The following TNIK variants were observed in gnomAD, a reference collection of about 807,000 sequenced individuals.
TNIK encodes TRAF2 and NCK interacting kinase, also known as TRAF2 and NCK-interacting protein kinase.
Under a neutral mutation model 191.3 loss-of-function variants are expected in TNIK, and 49 were observed. The observed-to-expected ratio is 0.26, with a 90% CI of 0.20 to 0.32. The LOEUF (loss-of-function observed/expected upper bound fraction) is 0.32. Among genes scored for constraint, TNIK ranks in the 10% least tolerant of loss-of-function variants. The pLI is 1.00. For synonymous variants in TNIK, 594 were observed against 600.9 expected, an observed-to-expected ratio of 0.99 and a Z score of 0.17; for missense variants, 1,155 against 1,702.3, an observed-to-expected ratio of 0.68 and a Z score of 5.66.
At chr3:171,221,345 T>C (rs1181859604) in intron 3 of TNIK, among the ~76,000 whole-genome samples, 3 of 152,122 alleles carry the variant, frequency 2.0e-5, no homozygotes, top group East Asian at 1.9e-4. Flanking sequence ...TGACATCACC[T>C]GAAGGTCAAG....
chr3:171,175,203 C>A (rs373569813), intron 9 of TNIK, 49 bp downstream of exon 9: 16 of 1,560,968 alleles, frequency 1.0e-5, no homozygotes, highest in Non-Finnish European at 1.3e-5. Flanking sequence ...AATAGAATCA[C>A]AAGAAAACCT....
intron 2 of TNIK, among the ~76,000 whole-genome samples, chr3:171,325,894 G>A (rs1421194226): frequency 6.6e-6 from 1 of 152,144 alleles, no homozygotes; most frequent in Non-Finnish European, 1.5e-5. Flanking sequence ...TGACATCAGG[G>A]ACTTTTGTCA....
At chr3:171,142,215 C>T (rs1352148521) in intron 12 of TNIK, among the ~76,000 whole-genome samples, 1 of 152,216 alleles carries the variant, frequency 6.6e-6, no homozygotes, top group Non-Finnish European at 1.5e-5. Context: ...AGCCAAATGA[C>T]TTGATCAGAC....
At chr3:171,112,922 C>A (rs1343542817) in intron 18 of TNIK, among the ~76,000 whole-genome samples, 3 of 152,118 alleles carry the variant, frequency 2.0e-5, no homozygotes. Context: ...AATAGCCAAT[C>A]ACATTTCTAT....
chr3:171,299,573 A>T (rs1334858152), intron 2 of TNIK, among the ~76,000 whole-genome samples: 1 of 152,184 alleles, frequency 6.6e-6, no homozygotes, highest in Non-Finnish European at 1.5e-5. Context: ...CTCAGCTTAG[A>T]TGGTTTTCTG....
chr3:171,378,285 C>T (rs1465682513), intron 1 of TNIK, among the ~76,000 whole-genome samples: 2 of 152,200 alleles, frequency 1.3e-5, no homozygotes. Flanking sequence ...GTGAAAACCA[C>T]AGACTCTACA....
At chr3:171,417,800 G>T (rs924112817) in intron 1 of TNIK, among the ~76,000 whole-genome samples, 2 of 152,124 alleles carry the variant, frequency 1.3e-5, no homozygotes, top group African/African-American at 4.8e-5. Flanking sequence ...TAATCAAAGG[G>T]CTTTGAAAGA....
Position 171,178,716 on chromosome 3 carries a change from G to C in TNIK, c.640-1336C>G, listed in dbSNP as rs905574242. 2.6e-5 allele frequency among the ~76,000 whole-genome samples: 4 copies of C among 152,042 alleles called. No individual in the cohort carries two copies. The East Asian group carries it at 5.8e-4, about 22-fold the overall frequency. ...GGTAAGAAAATCTAGTATCAAATTT[G>C]GTTCAATGGCCCACATCCTAATATA... On this transcript the variant is annotated intron_variant, in intron 7 of 32. Transcript: ENST00000436636.
chr3:171,176,884 A>T (rs57291731), intron 8 of TNIK, among the ~76,000 whole-genome samples: 20,857 of 152,220 alleles, frequency 0.14, 2,816 homozygotes, highest in African/African-American at 0.36. Context: ...TAGCAGGGAA[A>T]TCTAAAATTT....
intron 28 of TNIK, among the ~76,000 whole-genome samples, chr3:171,071,809 A>C (rs1719217982): frequency 6.6e-6 from 1 of 152,198 alleles, no homozygotes; most frequent in African/African-American, 2.4e-5. Context: ...TTGCTTATTT[A>C]TGCTTCTAAC....
intron 1 of TNIK, among the ~76,000 whole-genome samples, chr3:171,400,852 G>A (rs908723423): frequency 3.9e-5 from 6 of 152,120 alleles, no homozygotes; most frequent in Admixed American, 6.5e-5. Context: ...AGCGTCCTTC[G>A]GATTTGGCTT....
rs913431525 is a variant in TNIK, at chr3:171,367,481, G to C, written c.123+2139C>G. Reference sequence around the variant, plus strand: ...GCCCCATAGCATTTTTTTGGGGGGGGGGGGAGGGGACAGAGTCCCACTCTC... The same window carrying C: ...GCCCCATAGCATTTTTTTGGGGGGGCGGGGAGGGGACAGAGTCCCACTCTC... On this transcript the variant is annotated intron_variant, in intron 2 of 32. Transcript: ENST00000436636. Among the ~76,000 whole-genome samples, 75 of 151,434 alleles carry C rather than the reference G, an allele frequency of 5.0e-4. 2 individuals carry two copies. Among genetic ancestry groups the C allele is most frequent in the Middle Eastern group, 6.8e-3 (2 of 292 alleles).
At chr3:171,133,589 C>T (rs1233402839) in intron 15 of TNIK, among the ~76,000 whole-genome samples, 1 of 152,176 alleles carries the variant, frequency 6.6e-6, no homozygotes, top group African/African-American at 2.4e-5. Flanking sequence ...GAGACACGCC[C>T]TAGGTCAGGC....
chr3:171,082,422 T>C, intron 26 of TNIK, 28 bp from the exon 27 acceptor site: 1 of 1,598,100 alleles, frequency 6.3e-7, no homozygotes, highest in Non-Finnish European at 8.5e-7. Flanking sequence ...ACCCTAAGAC[T>C]GACTTTTCAT....
intron 23 of TNIK, among the ~76,000 whole-genome samples, chr3:171,089,238 A>G (rs1721743604): frequency 6.6e-6 from 1 of 152,174 alleles, no homozygotes; most frequent in South Asian, 2.1e-4. Flanking sequence ...ATTTTGTCAC[A>G]GTGGCCATCA....
At chr3:171,094,801 C>G (rs1012479047) in intron 22 of TNIK, among the ~76,000 whole-genome samples, 1 of 152,142 alleles carries the variant, frequency 6.6e-6, no homozygotes, top group Non-Finnish European at 1.5e-5. Context: ...TTCTCTTCAC[C>G]CTTTTTCCTT....
intron 27 of TNIK, among the ~76,000 whole-genome samples, chr3:171,081,607 T>C (rs1348915756): frequency 6.7e-6 from 1 of 149,570 alleles, no homozygotes; most frequent in Non-Finnish European, 1.5e-5. Flanking sequence ...CTCCTTCAAA[T>C]ACCAAAAAGA....
chr3:171,252,341 T>A (rs11917336), intron 2 of TNIK, among the ~76,000 whole-genome samples: 2 of 151,916 alleles, frequency 1.3e-5, no homozygotes, highest in African/African-American at 4.8e-5. Flanking sequence ...AAACTCAAGC[T>A]ATATGGGCAG....
intron 2 of TNIK, among the ~76,000 whole-genome samples, chr3:171,369,015 G>C (rs1161506777): frequency 1.3e-5 from 2 of 151,596 alleles, no homozygotes; most frequent in Non-Finnish European, 2.9e-5. Context: ...TTATACTTGG[G>C]GAAAATACCT....
Sources: allele counts gnomAD v4.1 joint callset (sites outside exome capture counted in the v4.1 genomes callset), GRCh38; gene constraint gnomAD v4.1.1; transcripts MANE v1.5; gene names NCBI Gene and HGNC (gene_info 2026-07-23, HGNC 2026-07-21).